Variants in KRT8 observed in about 807,000 individuals in gnomAD.
The protein encoded by KRT8 is keratin, type II cytoskeletal 8.
KRT8 carries 24 observed loss-of-function variants against 43.0 expected under a neutral mutation model. That is an observed-to-expected ratio of 0.56 (90% CI 0.40 to 0.78). The LOEUF (loss-of-function observed/expected upper bound fraction) is 0.78, where lower values mean the gene tolerates loss of function less well. Ranked by LOEUF, KRT8 falls within the 30% of genes least tolerant of loss-of-function variation. The pLI is 0.00. For synonymous variants in KRT8, 214 were observed against 261.2 expected (o/e 0.82, Z 1.74); for missense variants, 492 against 638.4 (o/e 0.77, Z 2.47).
intron 2 of KRT8, among the ~76,000 whole-genome samples, chr12:52,921,065 A>G (rs1417758864): frequency 6.6e-6 from 1 of 152,200 alleles, no homozygotes; most frequent in African/African-American, 2.4e-5. Context: ...CCTTTAGGAA[A>G]ATCTGTTGAC....
At chr12:52,901,078 A>G in intron 3 of KRT8, 81 bp downstream of exon 3, 1 of 1,033,612 alleles carries the variant, frequency 9.7e-7, no homozygotes. Flanking sequence ...ATATTTAGGG[A>G]CAAAACCCAG....
chr12:52,930,512 C>T lies in KRT8; in HGVS notation c.-47+18944G>A, dbSNP rs558829370. ...CTGGCATTACAGGCATGAGCCACCA[C>T]GCCCGGCCCCCAATTCTGTCTTCCA... On this transcript the variant is annotated intron_variant, in intron 2 of 6. Transcript: ENST00000546826. 6.2e-5 allele frequency among the ~76,000 whole-genome samples: 9 copies of T among 146,006 alleles called. No homozygotes were observed. The East Asian group carries it at 6.3e-4, about 10-fold the overall frequency.
chr12:52,938,604 C>G (rs1487255650), intron 2 of KRT8, among the ~76,000 whole-genome samples: 2 of 149,838 alleles, frequency 1.3e-5, no homozygotes, highest in Non-Finnish European at 2.9e-5. Context: ...AAGGAAGACT[C>G]CCCTCTCTAC....
At chr12:52,898,549 C>T (rs1466603885) in intron 6 of KRT8, 30 bp from the exon 7 acceptor site, 1 of 1,613,572 alleles carries the variant, frequency 6.2e-7, no homozygotes, top group South Asian at 1.1e-5. Flanking sequence ...GTGTCAGGAC[C>T]AACTCCTAGC....
chr12:52,936,446 CTAT>C lies in KRT8; in HGVS notation c.-47+13007_-47+13009del, dbSNP rs1942170897. 2.0e-5 allele frequency among the ~76,000 whole-genome samples: 3 copies of C among 152,186 alleles called. No homozygotes were observed. In the South Asian group the frequency reaches 6.2e-4, roughly 32 times the overall value. ...TACATGTGCACACCATCACACCAGA[CTAT>C]TATTTTATGTTTTGTAGAAAAGCGG... On this transcript the variant is annotated intron_variant, in intron 2 of 6. Transcript: ENST00000546826.
At chr12:52,912,869 A>G (rs1452333028) in intron 2 of KRT8, among the ~76,000 whole-genome samples, 1 of 152,254 alleles carries the variant, frequency 6.6e-6, no homozygotes, top group Non-Finnish European at 1.5e-5. Flanking sequence ...AATATGTCTC[A>G]CAGTCATAGC....
intron 2 of KRT8, among the ~76,000 whole-genome samples, chr12:52,938,165 TATA>T (rs1392316387): frequency 1.3e-3 from 51 of 39,714 alleles, no homozygotes; most frequent in African/African-American, 1.6e-3. Context: ...TATATATATA[TATA>T]TATTTTTTTT....
upstream of KRT8, chr12:52,905,150 AG>A (rs1483792819): frequency 7.6e-7 from 1 of 1,320,138 alleles, no homozygotes; most frequent in African/African-American, 1.5e-5. Context: ...CTAGGCCCAG[AG>A]GGGGCTGGGC....
chr12:52,931,042 A>G (rs1234686317), intron 2 of KRT8, among the ~76,000 whole-genome samples: 2 of 149,534 alleles, frequency 1.3e-5, no homozygotes, highest in African/African-American at 4.9e-5. Flanking sequence ...ATGCTTCCCC[A>G]CTTTTAGCTT....
intron 7 of KRT8, 79 bp downstream of exon 7, chr12:52,898,382 G>T: frequency 7.9e-7 from 1 of 1,264,906 alleles, no homozygotes; most frequent in Non-Finnish European, 1.1e-6. Flanking sequence ...GTGAGCGACT[G>T]AGCACAGCCC....
intron 5 of KRT8, 33 bp downstream of exon 5, chr12:52,899,742 A>G (rs1941314757): frequency 1.3e-6 from 2 of 1,592,714 alleles, no homozygotes; most frequent in Admixed American, 1.7e-5. Context: ...GATGTGTCCA[A>G]GGAACCCCTC....
rs1565731934 is a variant in KRT8 at position 52,935,394 on chromosome 12, A to AGAAAAAG, written c.-47+14061_-47+14062insCTTTTTC. Among the ~76,000 whole-genome samples, 2 of 122,436 alleles carry AGAAAAAG rather than the reference A, an allele frequency of 1.6e-5. 1 individual carries two copies. The highest frequency in any genetic ancestry group is 3.4e-5 in the Non-Finnish European group (2 of 59,236). 80.3% of individuals were successfully genotyped at this position (122,436 alleles called of 152,430 possible). A position where few individuals can be genotyped will look rare whatever the true frequency, so the allele number is the denominator to read the frequency against. ...ACTCTGTCTCAAAAAAAAAAAAAAA[A>AGAAAAAG]AAAAAAAAAAAAAAAAGGCCGGGCA... is the stretch of plus-strand genomic sequence containing the variant. On this transcript the variant is annotated intron_variant, in intron 2 of 6. Transcript: ENST00000546826.
chr12:52,920,484 C>A (rs1256344977), intron 2 of KRT8, among the ~76,000 whole-genome samples: 8 of 152,142 alleles, frequency 5.3e-5, no homozygotes, highest in Non-Finnish European at 1.5e-5. Flanking sequence ...GTAATCCCAG[C>A]TACTTAAGAG....
At chr12:52,913,138 T>A (rs1941667829) in intron 2 of KRT8, among the ~76,000 whole-genome samples, 1 of 152,112 alleles carries the variant, frequency 6.6e-6, no homozygotes, top group Non-Finnish European at 1.5e-5. Context: ...TCACCCACCA[T>A]AAAAGCAACC....
At chr12:52,905,425 G>A (rs1941492305), upstream of KRT8, among the ~76,000 whole-genome samples, 1 of 152,176 alleles carries the variant, frequency 6.6e-6, no homozygotes, top group African/African-American at 2.4e-5. Context: ...AAATAAACTG[G>A]AGGACTGGGA....
Position 52,902,179 on chromosome 12 carries a change from C to G in KRT8, c.325-107G>C. ...TAATTCACTCCTCAAGCAGTAAGGTCTCCAGACCCCAGGCACCTGGTTAGC... is the reference window on the plus strand; with the variant it reads ...TAATTCACTCCTCAAGCAGTAAGGTGTCCAGACCCCAGGCACCTGGTTAGC... On this transcript the variant is annotated intron_variant, in intron 1 of 7. Coordinates refer to ENST00000692008, the Ensembl canonical transcript of KRT8. The G allele has an allele frequency of 4.1e-6, 3 of 728,230 alleles. No homozygotes were observed. The South Asian group carries it at 4.5e-5, about 11-fold the overall frequency. The allele number at this position is 728,230 out of a possible 1,614,324, so 45.1% of individuals were successfully genotyped here. A position where few individuals can be genotyped will look rare whatever the true frequency, so the allele number is the denominator to read the frequency against.
chr12:52,913,805 A>G (rs1390540813), intron 2 of KRT8, among the ~76,000 whole-genome samples: 1 of 152,204 alleles, frequency 6.6e-6, no homozygotes, highest in Non-Finnish European at 1.5e-5. Context: ...CGTCACACAC[A>G]TACCTGTGCA....
chr12:52,939,516 T>C (rs1000380966), intron 2 of KRT8, among the ~76,000 whole-genome samples: 1 of 150,810 alleles, frequency 6.6e-6, no homozygotes, highest in East Asian at 2.0e-4. Flanking sequence ...AGCCCAGGAG[T>C]TTGAGACCGG....
exon 2 of KRT8, chr12:52,901,941 C>A (rs768498096): frequency 6.2e-7 from 1 of 1,610,724 alleles, no homozygotes; most frequent in South Asian, 1.1e-5. Flanking sequence ...GGCCCAGAGT[C>A]TCCAGCTGCC....
Sources: allele counts gnomAD v4.1 joint callset (sites outside exome capture counted in the v4.1 genomes callset), GRCh38; gene constraint gnomAD v4.1.1; transcripts MANE v1.5; gene names NCBI Gene and HGNC (gene_info 2026-07-23, HGNC 2026-07-21).